Variants in ABCA2 observed in about 807,000 individuals in gnomAD.
ABCA2 encodes the protein ATP binding cassette subfamily A member 2, also known as ATP-binding cassette sub-family A member 2.
A neutral mutation model predicts 262.8 loss-of-function variants in ABCA2; 84 were observed. That is an observed-to-expected ratio of 0.32 (90% CI 0.27 to 0.38). ABCA2 has a LOEUF of 0.38. Among genes scored for constraint, ABCA2 ranks in the 10% least tolerant of loss-of-function variants. The pLI, the probability that ABCA2 is intolerant of heterozygous loss-of-function variation, is 1.00. For missense variants in ABCA2, 2,662 were observed against 3,405.9 expected, an observed-to-expected ratio of 0.78 and a Z score of 5.44; for synonymous variants, 1,696 against 1,502.9, an observed-to-expected ratio of 1.13 and a Z score of -2.97.
rs1831092311 is a variant in ABCA2, at chr9:137,012,470, C to CGCAGCCTCGCTCACCTGG, written c.5184_5187+14dup. On this transcript the variant is annotated intron_variant, in intron 32 of 48. Transcript: ENST00000341511. ...CGCTACACACAGCGGGGCCCAGGCC[C>CGCAGCCTCGCTCACCTGG]GCAGCCTCGCTCACCTGGGCAGCCC... 5.6e-6 allele frequency: 9 copies of CGCAGCCTCGCTCACCTGG among 1,610,706 alleles called. No individual in the cohort carries two copies. The highest frequency in any genetic ancestry group is 7.6e-6 in the Non-Finnish European group (9 of 1,179,470).
rs201820294 is a variant in ABCA2, at chr9:137,010,575, C to G, written c.6174+45G>C. On this transcript the variant is annotated intron_variant, in intron 40 of 48. Transcript: ENST00000341511. ...CTGCTGGGGCCCCACCCCCCTGGCC[C>G]TGGCCTACCCCACCCAGGCCCCACC... The G allele has an allele frequency of 1.9e-3, 2,779 of 1,492,788 alleles. 9 individuals are homozygous for G. The highest frequency in any genetic ancestry group is 2.1e-3 in the Non-Finnish European group (2,285 of 1,071,168). The allele number at this position is 1,492,788 out of a possible 1,614,324, so 92.5% of individuals were successfully genotyped here.
In ABCA2 at chr9:137,023,229, A is replaced by G. The variant is rs1348102140; in HGVS notation, c.164-177T>C. ...CTGGCCCCAGCTGGGCTACAGGCCA[A>G]GCGTTCTGGGGCGAATGACTCCAGC... is the stretch of plus-strand genomic sequence containing the variant. On this transcript the variant is annotated intron_variant, in intron 3 of 48. Coordinates refer to ENST00000341511, the MANE Select transcript of ABCA2 (RefSeq NM_001606.5). 6 of 636,638 alleles carry G rather than the reference A, an allele frequency of 9.4e-6. No individual in the cohort carries two copies. The Middle Eastern group carries it at 1.2e-3, about 131-fold the overall frequency. 39.4% of individuals were successfully genotyped at this position (636,638 alleles called of 1,614,324 possible). A position where few individuals can be genotyped will look rare whatever the true frequency, so the allele number is the denominator to read the frequency against.
intron 3 of ABCA2, chr9:137,023,520 C>T (rs766581435): frequency 1.5e-5 from 11 of 747,214 alleles, no homozygotes; most frequent in Non-Finnish European, 2.5e-5. Flanking sequence ...AGCCCCAGCC[C>T]AGGCCAGCCC....
chr9:137,008,697 C>A, intron 47 of ABCA2, 34 bp downstream of exon 47: 1 of 1,565,744 alleles, frequency 6.4e-7, no homozygotes, highest in Non-Finnish European at 8.7e-7. Context: ...AGGGGAGGGG[C>A]AGGTGTGGTG....
rs760790706 is a variant in ABCA2 at position 137,020,740 on chromosome 9, C to T, written c.1219G>A (p.Val407Ile). The change falls in exon 9 of 49, where the codon GTA becomes ATA. Residue 407 changes from valine (V) to isoleucine (I), a missense_variant. Val to Ile is a conservative substitution (Grantham distance 29). This residue lies in a region of ABCA2 where 92 missense variants were observed against 146.7 expected (regional missense o/e 0.63). Coordinates refer to ENST00000341511, the MANE Select transcript of ABCA2 (RefSeq NM_001606.5). Reference protein sequence around the residue: ...DTLQGQCSAFVQLWAGLQPIL... With the variant: ...DTLQGQCSAFIQLWAGLQPIL... ...GGCTGCAGGCCGGCCCAGAGCTGTA[C>T]GAAGGCTGAGCACTGGCCCTGCAGC... The T allele has an allele frequency of 8.7e-6, 14 of 1,601,952 alleles. No individual in the cohort carries two copies. The highest frequency in any genetic ancestry group is 3.3e-5 in the Admixed American group (2 of 59,840).
intron 24 of ABCA2, 131 bp from the exon 25 acceptor site, chr9:137,015,228 C>A (rs1203689013): frequency 8.1e-7 from 1 of 1,236,592 alleles, no homozygotes; most frequent in East Asian, 2.5e-5. Context: ...ATCCTGGGCC[C>A]AGGGGGTGAC....
In ABCA2 at chr9:137,010,603, A is replaced by AAAAACCCC; in HGVS notation, c.6174+16_6174+17insGGGGTTTT. ...GCCTACCCCACCCAGGCCCCACCCT[A>AAAAACCCC]CATGCCCAGAGCCCACCTTGGTCAG... On this transcript the variant is annotated intron_variant, in intron 40 of 48. Coordinates refer to ENST00000341511, the MANE Select transcript of ABCA2 (RefSeq NM_001606.5). 6.2e-6 allele frequency: 9 copies of AAAAACCCC among 1,447,930 alleles called. No individual in the cohort carries two copies. Among genetic ancestry groups the AAAAACCCC allele is most frequent in the East Asian group, 2.5e-5 (1 of 39,886 alleles). The allele number at this position is 1,447,930 out of a possible 1,614,324, so 89.7% of individuals were successfully genotyped here.
chr9:137,017,230 T>A lies in ABCA2; in HGVS notation c.2519A>T (p.His840Leu). The change falls in exon 18 of 49, where the codon CAT becomes CTT. Residue 840 changes from histidine to leucine, a missense_variant. Physicochemically the swap from His to Leu is moderately conservative, Grantham distance 99. Transcript: ENST00000341511. ...CTTCTCGAAGGCCGTGATCTTATCA[T>A]GCGCCACCTCCTCTCGGATCGCCAC... is the stretch of plus-strand genomic sequence containing the variant. ...MYVAIREEVA[H>L]DKITAFEKCI... 6.2e-7 allele frequency: 1 copy of A among 1,612,540 alleles called. No individual in the cohort carries two copies. The highest frequency in any genetic ancestry group is 8.5e-7 in the Non-Finnish European group (1 of 1,179,880).
At chr9:137,022,291 C>A (rs1383788337) in intron 6 of ABCA2, 60 bp downstream of exon 6, 17 of 1,510,358 alleles carry the variant, frequency 1.1e-5, no homozygotes, top group Non-Finnish European at 1.5e-5. Context: ...GGCTCAGCAA[C>A]CAGGGGGCGT....
Position 137,013,246 on chromosome 9 carries a change from G to A in ABCA2, c.4623C>T (p.Ala1541=). The A allele has an allele frequency of 6.3e-7, 1 of 1,598,782 alleles. No individual in the cohort carries two copies. The highest frequency in any genetic ancestry group is 8.5e-7 in the Non-Finnish European group (1 of 1,176,644). ...STFRLPSGVG[A]TCVLKSPANG... ...TGGCGGGAGACTTGAGCACGCAGGTGGCACCCACCCCCGACGGCAGCCGGA... is the reference window on the plus strand; with the variant it reads ...TGGCGGGAGACTTGAGCACGCAGGTAGCACCCACCCCCGACGGCAGCCGGA... Residue 1541 remains alanine, a synonymous_variant, in exon 30 of 49, where the codon GCC becomes GCT. Coordinates refer to ENST00000341511, the MANE Select transcript of ABCA2 (RefSeq NM_001606.5).
At position 137,009,575 on chromosome 9, in the gene ABCA2, TGATGAGGTCAAG is replaced by T; in HGVS notation, c.6688_6699del (p.Leu2230_Ile2233del). On this transcript the variant is annotated inframe_deletion, in exon 44 of 49. Coordinates refer to ENST00000341511, the MANE Select transcript of ABCA2 (RefSeq NM_001606.5). ...GTCAGCACCACTGAACGCCCTGTCTTGATGAGGTCAAGGATGAGGTTCCAGAGGAAGCGCCGG... is the reference window on the plus strand; with the variant it reads ...GTCAGCACCACTGAACGCCCTGTCTTGATGAGGTTCCAGAGGAAGCGCCGG... 1 of 1,612,858 alleles carries T rather than the reference TGATGAGGTCAAG, an allele frequency of 6.2e-7. No homozygotes were observed. The highest frequency in any genetic ancestry group is 8.5e-7 in the Non-Finnish European group (1 of 1,179,902).
At chr9:137,022,619 C>T (rs1831510509) in intron 5 of ABCA2, 83 bp downstream of exon 5, 2 of 1,559,848 alleles carry the variant, frequency 1.3e-6, no homozygotes, top group African/African-American at 2.7e-5. Flanking sequence ...GTGGAGGGGC[C>T]CAGAGTGGAT....
rs1468511027 is a variant in ABCA2 at position 137,017,603 on chromosome 9, T to C, written c.2301A>G (p.Ala767=). Residue 767 remains alanine (A), a synonymous_variant, in exon 17 of 49, where the codon GCA becomes GCG. Coordinates refer to ENST00000341511, the MANE Select transcript of ABCA2 (RefSeq NM_001606.5). Reference sequence around the variant, plus strand: ...GGCCGTACTTCAGGATGGCGGTGAGTGCTGTCACGGAGATGGACAGCTGCA... The same window carrying C: ...GGCCGTACTTCAGGATGGCGGTGAGCGCTGTCACGGAGATGGACAGCTGCA... ...GFVQLSISVT[A]LTAILKYGQV... is the part of the protein sequence containing the mutation. The C allele has an allele frequency of 6.2e-7, 1 of 1,612,728 alleles. No individual in the cohort carries two copies. Among genetic ancestry groups the C allele is most frequent in the South Asian group, 1.1e-5 (1 of 91,090 alleles).
In ABCA2 at chr9:137,021,369, G is replaced by A. The variant is rs1187859976; in HGVS notation, c.897+23C>T. On this transcript the variant is annotated intron_variant, in intron 8 of 48. Coordinates refer to ENST00000341511, the MANE Select transcript of ABCA2 (RefSeq NM_001606.5). This position sits in a 1 kb window ranked among gnomAD's most constrained non-coding sequence, Gnocchi z 6.0. ...ACTCAGGCAGCAAGCAGCGCAGCGG[G>A]CAGTGGGCAGGCAGGGCCTCACCTG... 2.5e-6 allele frequency: 4 copies of A among 1,599,174 alleles called. No individual in the cohort carries two copies. Among genetic ancestry groups the A allele is most frequent in the East Asian group, 2.2e-5 (1 of 44,790 alleles).
Position 137,008,477 on chromosome 9 carries a change from G to T in ABCA2, c.7214C>A (p.Ala2405Glu), listed in dbSNP as rs756281533. 22 of 1,569,114 alleles carry T rather than the reference G, an allele frequency of 1.4e-5. No homozygotes were observed. The highest frequency in any genetic ancestry group is 1.8e-5 in the Non-Finnish European group (21 of 1,157,838). The change falls in exon 48 of 49, where the codon GCA becomes GAA. Residue 2405 changes from alanine to glutamate, a missense_variant. Coordinates refer to ENST00000341511, the MANE Select transcript of ABCA2 (RefSeq NM_001606.5). Reference protein sequence around the residue: ...SAPTELRALVADEPEDLDTED... With the variant: ...SAPTELRALVEDEPEDLDTED... ...CGTGTCCAGGTCCTCGGGCTCGTCT[G>T]CCACAAGTGCCCGGAGCTCCGTGGG... is the stretch of plus-strand genomic sequence containing the variant.
In ABCA2 at chr9:137,009,877, C is replaced by T; in HGVS notation, c.6522G>A (p.Leu2174=). 3 of 1,610,896 alleles carry T rather than the reference C, an allele frequency of 1.9e-6. No homozygotes were observed. The highest frequency in any genetic ancestry group is 2.5e-6 in the Non-Finnish European group (3 of 1,178,728). The change falls in exon 43 of 49, where the codon CTG becomes CTA. Residue 2174 remains leucine (L), a synonymous_variant. Coordinates refer to ENST00000341511, the MANE Select transcript of ABCA2 (RefSeq NM_001606.5). ...ARVVKWALEK[L]ELTKYADKPA... ...GCTTGTCTGCGTACTTGGTCAGCTC[C>T]AGCTTCTCCAGAGCCCACTTCACCA...
chr9:137,022,554 C>T (rs1831509044), intron 5 of ABCA2, 76 bp from the exon 6 acceptor site: 2 of 1,572,152 alleles, frequency 1.3e-6, no homozygotes, highest in Admixed American at 1.8e-5. Flanking sequence ...CGGAGCCGAG[C>T]CCAACACCAC....
At chr9:137,023,731 C>T (rs1490830996) in intron 3 of ABCA2, 107 bp downstream of exon 3, 11 of 710,284 alleles carry the variant, frequency 1.5e-5, no homozygotes, top group Admixed American at 6.0e-5. Context: ...GCAGGGGGCC[C>T]GGGAGGGCTG....
chr9:137,016,403 T>C lies in ABCA2; in HGVS notation c.2992A>G (p.Lys998Glu). 2 of 1,612,858 alleles carry C rather than the reference T, an allele frequency of 1.2e-6. No individual in the cohort carries two copies. Among genetic ancestry groups the C allele is most frequent in the Non-Finnish European group, 1.7e-6 (2 of 1,179,956 alleles). The stretch of plus-strand genomic sequence containing the variant: ...AGCTTCTTGTCGTCCTTGTAGACCT[T>C]GGTGAGTTTGTCCACGCAGACAACC... ...PLVVCVDKLTKVYKDDKKLAL... is the reference protein window; with the variant it reads ...PLVVCVDKLTEVYKDDKKLAL... The change falls in exon 21 of 49, where the codon AAG becomes GAG. Residue 998 changes from lysine (K) to glutamate (E), a missense_variant. Lys to Glu is a moderately conservative substitution (Grantham distance 56). Around this residue, in one of 12 missense-constraint regions of ABCA2, gnomAD observed 133 missense variants for 150.8 expected, o/e 0.88. Coordinates refer to ENST00000341511, the MANE Select transcript of ABCA2 (RefSeq NM_001606.5).
Sources: gnomAD v4.1 joint callset for allele counts on GRCh38, gnomAD v4.1.1 for gene constraint, gnomAD v4.1.1 regional missense constraint, Gnocchi (gnomAD v3.1) non-coding constraint, MANE v1.5 for transcripts, NCBI Gene and HGNC (gene_info 2026-07-23, HGNC 2026-07-21) for gene names.